The following MYO5B variants were observed in gnomAD, a reference collection of about 807,000 sequenced individuals.
MYO5B encodes myosin VB, also known as unconventional myosin-Vb.
In MYO5B, 143 loss-of-function variants were observed where a neutral mutation model predicts 229.3. The ratio of observed to expected loss-of-function variants is 0.62; its 90% CI spans 0.54 to 0.72. MYO5B has a LOEUF of 0.72. MYO5B is among the 30% of genes least tolerant of loss of function. MYO5B has a pLI of 0.00. For missense variants in MYO5B, 2,321 were observed against 2,331.0 expected (o/e 1.00, Z 0.09); for synonymous variants, 918 against 885.2 (o/e 1.04, Z -0.66).
intron 4 of MYO5B, among the ~76,000 whole-genome samples, chr18:50,020,269 A>G (rs1314526899): frequency 6.6e-6 from 1 of 152,196 alleles, no homozygotes; most frequent in African/African-American, 2.4e-5. Flanking sequence ...CAGAAACATA[A>G]AACACTCATT....
intron 22 of MYO5B, among the ~76,000 whole-genome samples, chr18:49,887,651 C>T (rs1169459738): frequency 6.6e-6 from 1 of 152,098 alleles, no homozygotes; most frequent in Non-Finnish European, 1.5e-5. Flanking sequence ...GTCAATTAGA[C>T]ATTTTTACTT....
intron 14 of MYO5B, among the ~76,000 whole-genome samples, chr18:49,939,148 C>CTTTTTT (rs11313115): frequency 1.7e-5 from 2 of 119,046 alleles, no homozygotes; most frequent in Non-Finnish European, 3.3e-5. Context: ...TCTTTTTTTT[C>CTTTTTT]TTTTTTTTTT....
intron 22 of MYO5B, among the ~76,000 whole-genome samples, chr18:49,883,469 T>A (rs1787315): frequency 0.6 from 89,993 of 150,424 alleles, 26,903 homozygotes; most frequent in Middle Eastern, 0.67. Flanking sequence ...GAAAAAACAT[T>A]ATTGAAAGAA....
chr18:50,034,490 T>C (rs939079282), intron 4 of MYO5B, among the ~76,000 whole-genome samples: 30 of 152,196 alleles, frequency 2.0e-4, no homozygotes, highest in African/African-American at 7.0e-4. Flanking sequence ...ACGCCTGTAA[T>C]CCTAACATTT....
intron 9 of MYO5B, among the ~76,000 whole-genome samples, chr18:49,977,313 G>T (rs2025762234): frequency 6.6e-6 from 1 of 152,096 alleles, no homozygotes; most frequent in South Asian, 2.1e-4. Context: ...CTAAATTCAA[G>T]AAACAAATTG....
chr18:49,954,445 C>G lies in MYO5B; in HGVS notation c.1546-10G>C. The G allele has an allele frequency of 6.2e-7, 1 of 1,613,810 alleles. No homozygotes were observed. The highest frequency in any genetic ancestry group is 8.5e-7 in the Non-Finnish European group (1 of 1,179,854). ...CAGTTCCTTTGGGGACCTGCAGAAC[C>G]ACAAGATAGGGCAGAGCGCTTTGTG... On this transcript the variant is annotated splice_polypyrimidine_tract_variant and intron_variant, in intron 12 of 39. Transcript: ENST00000285039.
chr18:50,080,389 T>C (rs2144468366), intron 1 of MYO5B, among the ~76,000 whole-genome samples: 1 of 152,270 alleles, frequency 6.6e-6, no homozygotes, highest in South Asian at 2.1e-4. Context: ...TGAAAGCAAA[T>C]CTACAGGCGA....
At chr18:50,181,782 C>A (rs2033077000) in intron 1 of MYO5B, among the ~76,000 whole-genome samples, 1 of 152,170 alleles carries the variant, frequency 6.6e-6, no homozygotes, top group Non-Finnish European at 1.5e-5. Context: ...CACACACATA[C>A]ACACAGTAAA....
chr18:50,024,841 G>A (rs938401636), intron 4 of MYO5B, among the ~76,000 whole-genome samples: 3 of 152,134 alleles, frequency 2.0e-5, no homozygotes, highest in Admixed American at 6.5e-5. Context: ...GCCATACACT[G>A]GGACTTAAAA....
intron 1 of MYO5B, among the ~76,000 whole-genome samples, chr18:50,113,710 A>C (rs960391455): frequency 6.6e-6 from 1 of 152,220 alleles, no homozygotes; most frequent in Non-Finnish European, 1.5e-5. Flanking sequence ...TTCTCATGGC[A>C]GAGTCCATCA....
chr18:49,979,123 G>C (rs2025786347), intron 9 of MYO5B, among the ~76,000 whole-genome samples: 1 of 152,094 alleles, frequency 6.6e-6, no homozygotes, highest in Non-Finnish European at 1.5e-5. Context: ...CCACCCCCTG[G>C]GCCACAGGTC....
Position 50,195,016 on chromosome 18 carries a change from G to A in MYO5B, c.-223C>T, listed in dbSNP as rs984738509. ...GCGGCGGCGCAGCTACGGCCGGACA[G>A]GAGTTGCGAGCGCCGGGGGAGGAGG... On this transcript the variant is annotated 5_prime_UTR_variant, in exon 1 of 40. Transcript: ENST00000285039. The A allele has an allele frequency of 1.8e-5, 9 of 498,398 alleles. No individual in the cohort carries two copies. Among genetic ancestry groups the A allele is most frequent in the Non-Finnish European group, 2.4e-5 (8 of 329,852 alleles). The allele number at this position is 498,398 out of a possible 1,614,324, so 30.9% of individuals were successfully genotyped here.
Position 49,929,494 on chromosome 18 carries a change from G to C in MYO5B, c.2090+18C>G. Reference sequence around the variant, plus strand: ...TCTAGGGCAGCCCCAGGAGGCAGCTGGCGGGCACGTTAGTTACCTGGATGG... The same window carrying C: ...TCTAGGGCAGCCCCAGGAGGCAGCTCGCGGGCACGTTAGTTACCTGGATGG... On this transcript the variant is annotated intron_variant, in intron 17 of 39. Transcript: ENST00000285039. The C allele has an allele frequency of 6.3e-7, 1 of 1,593,300 alleles. No individual in the cohort carries two copies. The highest frequency in any genetic ancestry group is 8.5e-7 in the Non-Finnish European group (1 of 1,169,654).
intron 1 of MYO5B, among the ~76,000 whole-genome samples, chr18:50,100,098 G>T (rs2031627829): frequency 6.6e-6 from 1 of 152,212 alleles, no homozygotes; most frequent in South Asian, 2.1e-4. Flanking sequence ...GAAACCGGAA[G>T]AACACTATAA....
intron 30 of MYO5B, among the ~76,000 whole-genome samples, chr18:49,856,349 G>A (rs2024262467): frequency 1.3e-5 from 2 of 152,190 alleles, no homozygotes; most frequent in African/African-American, 4.8e-5. Context: ...CTGATGGCAG[G>A]CTCTGGGGGC....
chr18:49,843,488 T>G, intron 33 of MYO5B, 96 bp from the exon 34 acceptor site: 1 of 1,435,002 alleles, frequency 7.0e-7, no homozygotes, highest in Non-Finnish European at 9.7e-7. Context: ...TTTCAATATT[T>G]CCCCATAGCT....
intron 4 of MYO5B, among the ~76,000 whole-genome samples, chr18:50,022,001 G>A (rs1047629536): frequency 1.3e-5 from 2 of 152,092 alleles, no homozygotes; most frequent in Non-Finnish European, 2.9e-5. Context: ...AGCTGTACTT[G>A]GATGTCAGAA....
intron 1 of MYO5B, among the ~76,000 whole-genome samples, chr18:50,062,054 A>T (rs756543611): frequency 2.0e-5 from 3 of 152,188 alleles, no homozygotes; most frequent in Non-Finnish European, 4.4e-5. Flanking sequence ...CTCAGTCTCT[A>T]AGTCCTCCAC....
intron 39 of MYO5B, among the ~76,000 whole-genome samples, chr18:49,828,841 A>G (rs1437756311): frequency 6.6e-6 from 1 of 152,144 alleles, no homozygotes; most frequent in African/African-American, 2.4e-5. Context: ...CAATAAAAAT[A>G]TAATAAACCA....
Sources: gnomAD v4.1 joint callset for allele counts (sites outside exome capture counted in the v4.1 genomes callset) on GRCh38, gnomAD v4.1.1 for gene constraint, MANE v1.5 for transcripts, NCBI Gene and HGNC (gene_info 2026-07-23, HGNC 2026-07-21) for gene names.